Variants in ITGAD observed in about 807,000 individuals in gnomAD.
ITGAD encodes integrin alpha-D.
ITGAD carries 105 observed loss-of-function variants against 139.0 expected under a neutral mutation model. The observed-to-expected ratio is 0.76, with a 90% CI of 0.65 to 0.89. The LOEUF is 0.89. Ranked by LOEUF, ITGAD falls within the 40% of genes least tolerant of loss-of-function variation. ITGAD has a pLI of 0.00. For missense variants in ITGAD, 1,384 were observed against 1,487.3 expected (o/e 0.93, Z 1.14); for synonymous variants, 569 against 598.3 (o/e 0.95, Z 0.71).
chr16:31,410,912 G>C (rs1461882481), intron 12 of ITGAD, 34 bp downstream of exon 12: 1 of 1,607,952 alleles, frequency 6.2e-7, no homozygotes, highest in Non-Finnish European at 8.5e-7. Context: ...GGGAGGATGA[G>C]GGTGGGGAGG....
At chr16:31,424,289 C>T (rs1282019079) in intron 28 of ITGAD, 86 bp downstream of exon 28, 2 of 1,521,866 alleles carry the variant, frequency 1.3e-6, no homozygotes, top group African/African-American at 2.7e-5. Flanking sequence ...GTTTGCAAGC[C>T]TTGCGGGAGG....
rs968616603 is a variant in ITGAD at position 31,403,135 on chromosome 16, T to G, written c.559-365T>G. On this transcript the variant is annotated intron_variant, in intron 6 of 29. Coordinates refer to ENST00000389202, the MANE Select transcript of ITGAD (RefSeq NM_005353.3). The surrounding 1 kb of genome is among the most constrained non-coding windows in gnomAD (Gnocchi z 4.4). ...GTAGGGCTTCAAAACACATGGGAAATGGTTTGTAAATCCAAAATAATTCCA... is the reference window on the plus strand; with the variant it reads ...GTAGGGCTTCAAAACACATGGGAAAGGGTTTGTAAATCCAAAATAATTCCA... 6.2e-6 allele frequency: 1 copy of G among 160,016 alleles called. No individual in the cohort carries two copies. The highest frequency in any genetic ancestry group is 1.4e-5 in the Non-Finnish European group (1 of 73,036). 9.9% of individuals were successfully genotyped at this position (160,016 alleles called of 1,614,324 possible). A position where few individuals can be genotyped will look rare whatever the true frequency, so the allele number is the denominator to read the frequency against.
At position 31,412,822 on chromosome 16, in the gene ITGAD, T is replaced by C. The variant is rs781130731; in HGVS notation, c.1708-16T>C. ...CCCATCTTCCAGCCTGATTCACCCT[T>C]TTCTCTTCTGGCCAGCGGATTGCCA... is the stretch of plus-strand genomic sequence containing the variant. On this transcript the variant is annotated splice_polypyrimidine_tract_variant and intron_variant, in intron 14 of 29. Coordinates refer to ENST00000389202, the MANE Select transcript of ITGAD (RefSeq NM_005353.3). 3 of 1,613,004 alleles carry C rather than the reference T, an allele frequency of 1.9e-6. No individual in the cohort carries two copies. The highest frequency in any genetic ancestry group is 1.3e-5 in the African/African-American group (1 of 74,670).
At chr16:31,425,460 C>T (rs1050028817) in intron 29 of ITGAD, among the ~76,000 whole-genome samples, 1 of 152,206 alleles carries the variant, frequency 6.6e-6, no homozygotes, top group Non-Finnish European at 1.5e-5. Flanking sequence ...CACAGATCTG[C>T]CTGGATCTAT....
chr16:31,401,561 G>A lies in ITGAD; in HGVS notation c.428-554G>A, dbSNP rs1352999643. ...CAGGCATATCCTACAGGCCTCGAAG[G>A]TGCCTGGCACGTGGTGAGAATGGTG... On this transcript the variant is annotated intron_variant, in intron 5 of 29. Transcript: ENST00000389202. Among the ~76,000 whole-genome samples the A allele has an allele frequency of 3.9e-5, 6 of 152,202 alleles. No individual in the cohort carries two copies. The East Asian group carries it at 9.6e-4, about 24-fold the overall frequency.
At chr16:31,424,015 CT>C (rs1436433448) in intron 27 of ITGAD, 57 bp downstream of exon 27, 274 of 1,604,700 alleles carry the variant, frequency 1.7e-4, no homozygotes, top group Non-Finnish European at 2.3e-4. Context: ...CCTGGCATGT[CT>C]GTGCCCATCT....
At chr16:31,417,734 C>T (rs979310005) in intron 20 of ITGAD, among the ~76,000 whole-genome samples, 3 of 152,154 alleles carry the variant, frequency 2.0e-5, no homozygotes, top group African/African-American at 7.2e-5. Context: ...CACCTGAGGT[C>T]AGGAGTTTGA....
chr16:31,416,703 G>T, intron 20 of ITGAD, 57 bp downstream of exon 20: 1 of 1,535,974 alleles, frequency 6.5e-7, no homozygotes, highest in Non-Finnish European at 8.8e-7. Context: ...CTGTAGCCCC[G>T]GGAGTTACAC....
intron 7 of ITGAD, chr16:31,404,019 A>G (rs896031296): frequency 8.5e-6 from 2 of 234,784 alleles, no homozygotes; most frequent in African/African-American, 4.5e-5. Context: ...TCTAAGTCTC[A>G]GTAACTCTCA....
chr16:31,411,708 G>C (rs2081722059), intron 14 of ITGAD, among the ~76,000 whole-genome samples, 191 bp downstream of exon 14: 1 of 152,248 alleles, frequency 6.6e-6, no homozygotes, highest in Non-Finnish European at 1.5e-5. Context: ...ATGGTTAGGA[G>C]AGCAGACTTT....
chr16:31,411,795 C>A (rs528576382), intron 14 of ITGAD, among the ~76,000 whole-genome samples: 13 of 152,356 alleles, frequency 8.5e-5, no homozygotes, highest in Admixed American at 2.6e-4. Flanking sequence ...TGACTGACAG[C>A]CTTGGTCAGC....
Position 31,424,506 on chromosome 16 carries a change from A to G in ITGAD, c.3301A>G (p.Ile1101Val), listed in dbSNP as rs1292757362. ...AGAAGAAGACGAGGTCTACAATGCC[A>G]TTCCCATCATCATGGGCAGCTCTGT... ...VLEEDEVYNA[I>V]PIIMGSSVGA... Residue 1101 changes from isoleucine to valine, a missense_variant, in exon 29 of 30, where the codon ATT becomes GTT. By Grantham distance (29) the Ile-to-Val change is conservative (BLOSUM62 3). Transcript: ENST00000389202. 1.9e-6 allele frequency: 3 copies of G among 1,614,006 alleles called. No homozygotes were observed. The highest frequency in any genetic ancestry group is 2.2e-5 in the East Asian group (1 of 44,878).
rs753663752 is a variant in ITGAD, at chr16:31,402,144, T to C, written c.457T>C (p.Phe153Leu). The C allele has an allele frequency of 9.9e-6, 16 of 1,613,908 alleles. No individual in the cohort carries two copies. Among genetic ancestry groups the C allele is most frequent in the Non-Finnish European group, 1.4e-5 (16 of 1,179,896 alleles). The change falls in exon 6 of 30, where the codon TTC becomes CTC. Residue 153 changes from phenylalanine to leucine, a missense_variant. Coordinates refer to ENST00000389202, the MANE Select transcript of ITGAD (RefSeq NM_005353.3). ...TCCACATCAAGAGATGGACATCGTCTTCCTGATTGACGGCTCTGGAAGCAT... is the reference window on the plus strand; with the variant it reads ...TCCACATCAAGAGATGGACATCGTCCTCCTGATTGACGGCTCTGGAAGCAT... ...ECPHQEMDIV[F>L]LIDGSGSIDQ...
chr16:31,416,625 C>T lies in ITGAD; in HGVS notation c.2478C>T (p.His826=), dbSNP rs781695648. The stretch of plus-strand genomic sequence containing the variant: ...TCTACTATCCAGCAGGGCTGTCGCA[C>T]CGACGGGTGTCAGGAGCCCAGGTAA... The part of the protein sequence containing the change: ...VSLYYPAGLS[H]RRVSGAQKQP... Residue 826 remains histidine, a synonymous_variant, in exon 20 of 30, where the codon CAC becomes CAT. Transcript: ENST00000389202. 5.6e-6 allele frequency: 9 copies of T among 1,610,668 alleles called. No individual in the cohort carries two copies. In the South Asian group the frequency reaches 7.7e-5, roughly 14 times the overall value.
Position 31,402,126 on chromosome 16 carries a change from C to A in ITGAD, c.439C>A (p.Gln147Lys). The change falls in exon 6 of 30, where the codon CAA becomes AAA. Residue 147 changes from glutamine (Q) to lysine (K), a missense_variant. Coordinates refer to ENST00000389202, the MANE Select transcript of ITGAD (RefSeq NM_005353.3). ...VPDATPECPHQEMDIVFLIDG... is the reference protein window; with the variant it reads ...VPDATPECPHKEMDIVFLIDG... The stretch of plus-strand genomic sequence containing the variant: ...CCATTCCCCCACAGAGTGTCCACAT[C>A]AAGAGATGGACATCGTCTTCCTGAT... 1 of 1,613,876 alleles carries A rather than the reference C, an allele frequency of 6.2e-7. No individual in the cohort carries two copies. Among genetic ancestry groups the A allele is most frequent in the Non-Finnish European group, 8.5e-7 (1 of 1,179,796 alleles).
chr16:31,401,755 G>T (rs533671582), intron 5 of ITGAD, among the ~76,000 whole-genome samples: 104 of 152,364 alleles, frequency 6.8e-4, no homozygotes, highest in Admixed American at 2.8e-3. Flanking sequence ...TCACCAATTA[G>T]CACGTGGCTG....
chr16:31,403,902 C>T lies in ITGAD; in HGVS notation c.704+257C>T, dbSNP rs2081472446. 2.1e-6 allele frequency: 1 copy of T among 482,362 alleles called. No homozygotes were observed. Among genetic ancestry groups the T allele is most frequent in the Non-Finnish European group, 3.8e-6 (1 of 265,940 alleles). The allele number at this position is 482,362 out of a possible 1,614,324, so 29.9% of individuals were successfully genotyped here. On this transcript the variant is annotated intron_variant, in intron 7 of 29. Transcript: ENST00000389202. This position sits in a 1 kb window ranked among gnomAD's most constrained non-coding sequence, Gnocchi z 4.4. ...TCTGCAGAGCCTGGACCCCAGGACCCCTCCCCACCCCACAGCAGCCAGAGG... is the reference window on the plus strand; with the variant it reads ...TCTGCAGAGCCTGGACCCCAGGACCTCTCCCCACCCCACAGCAGCCAGAGG...
chr16:31,406,448 T>C (rs889521540), intron 7 of ITGAD, among the ~76,000 whole-genome samples: 4 of 152,224 alleles, frequency 2.6e-5, no homozygotes, highest in Admixed American at 1.3e-4. Flanking sequence ...CTGTAAAAGC[T>C]TGACCTTGTT....
At chr16:31,421,847 G>C (rs2082013018) in intron 23 of ITGAD, among the ~76,000 whole-genome samples, 1 of 152,272 alleles carries the variant, frequency 6.6e-6, no homozygotes, top group African/African-American at 2.4e-5. Flanking sequence ...AGGCTGATGG[G>C]GGGTGGACTG....
Sources: gnomAD v4.1 joint callset for allele counts (sites outside exome capture counted in the v4.1 genomes callset) on GRCh38, gnomAD v4.1.1 for gene constraint, Gnocchi (gnomAD v3.1) non-coding constraint, MANE v1.5 for transcripts, NCBI Gene and HGNC (gene_info 2026-07-23, HGNC 2026-07-21) for gene names.